The following INTS1 variants were observed in gnomAD, a reference collection of about 807,000 sequenced individuals.
The protein encoded by INTS1 is integrator complex subunit 1.
Under a neutral mutation model 241.6 loss-of-function variants are expected in INTS1, and 137 were observed. The ratio of observed to expected loss-of-function variants is 0.57; its 90% CI spans 0.49 to 0.65. The LOEUF (loss-of-function observed/expected upper bound fraction) is 0.65, where lower values mean the gene tolerates loss of function less well. Among genes scored for constraint, INTS1 ranks in the 30% least tolerant of loss-of-function variants. The pLI, the probability that INTS1 is intolerant of heterozygous loss-of-function variation, is 0.00. For synonymous variants in INTS1, 1,692 were observed against 1,337.8 expected (o/e 1.26, Z -5.78); for missense variants, 3,073 against 3,032.2 (o/e 1.01, Z -0.32).
intron 41 of INTS1, 94 bp downstream of exon 41, chr7:1,474,074 G>A (rs969272190): frequency 2.0e-5 from 27 of 1,366,908 alleles, no homozygotes; most frequent in Admixed American, 8.2e-5. Context: ...GGCTGCAGAG[G>A]TCCTCCCAGT....
At chr7:1,490,838 G>A (rs973905896) in intron 16 of INTS1, among the ~76,000 whole-genome samples, 1 of 152,252 alleles carries the variant, frequency 6.6e-6, no homozygotes, top group Admixed American at 6.5e-5. Flanking sequence ...ATAGAGGATG[G>A]ACACATAGAC....
intron 30 of INTS1, among the ~76,000 whole-genome samples, 197 bp downstream of exon 30, chr7:1,480,116 CATCT>C (rs1344333207): frequency 2.0e-5 from 3 of 152,272 alleles, no homozygotes; most frequent in African/African-American, 4.8e-5. Context: ...GCCTAGCCTC[CATCT>C]GAGAGCATGG....
In INTS1 at chr7:1,473,119, G is replaced by T; in HGVS notation, c.6023C>A (p.Pro2008His). The T allele has an allele frequency of 1.2e-6, 2 of 1,612,098 alleles. No homozygotes were observed. Among genetic ancestry groups the T allele is most frequent in the Non-Finnish European group, 1.7e-6 (2 of 1,179,390 alleles). Residue 2008 changes from proline to histidine, a missense_variant, in exon 43 of 48, where the codon CCC becomes CAC. Coordinates refer to ENST00000404767, the MANE Select transcript of INTS1 (RefSeq NM_001080453.3). ...LKSLLAGLSL[P>H]SRDDRTDRGL... ...TCGGTCGGTCCTGTCGTCCCTGCTG[G>T]GCAGGCTGAGCCCTGCAAGGAGGGA...
Position 1,489,592 on chromosome 7 carries a change from G to C in INTS1, c.2256C>G (p.Ile752Met). Residue 752 changes from isoleucine (I) to methionine (M), a missense_variant and splice_region_variant, in exon 17 of 48, where the codon ATC becomes ATG. Coordinates refer to ENST00000404767, the MANE Select transcript of INTS1 (RefSeq NM_001080453.3). ...LVVAAFNPEN[I>M]GLAAWEEYPT... ...ATGGGGCGGCCAGCAGAGGCTCACC[G>C]ATGTTCTCTGGGTTGAATGCGGCGA... The C allele has an allele frequency of 1.9e-6, 3 of 1,579,982 alleles. No homozygotes were observed. Among genetic ancestry groups the C allele is most frequent in the South Asian group, 1.2e-5 (1 of 86,314 alleles).
In INTS1 at chr7:1,474,183, G is replaced by A; in HGVS notation, c.5814C>T (p.Phe1938=). The A allele has an allele frequency of 1.3e-6, 2 of 1,573,148 alleles. No homozygotes were observed. The highest frequency in any genetic ancestry group is 1.7e-6 in the Non-Finnish European group (2 of 1,161,736). ...GAGCACACACCAGCAGCAGGCGGAT[G>A]AAGGACAGAAGGCAGTCCCACAGCG... The part of the protein sequence containing the change: ...QGALWDCLLS[F]IRLLLNYRKS... Residue 1938 remains phenylalanine, a synonymous_variant, in exon 41 of 48, where the codon TTC becomes TTT. Coordinates refer to ENST00000404767, the MANE Select transcript of INTS1 (RefSeq NM_001080453.3).
chr7:1,495,619 G>C, intron 12 of INTS1, 66 bp from the exon 13 acceptor site: 1 of 1,552,086 alleles, frequency 6.4e-7, no homozygotes. Context: ...AGGCACCCCT[G>C]GGGGTCCAAC....
intron 23 of INTS1, 29 bp from the exon 24 acceptor site, chr7:1,485,231 C>T: frequency 6.3e-7 from 1 of 1,598,120 alleles, no homozygotes; most frequent in Non-Finnish European, 8.5e-7. Context: ...TGAGCGGCAA[C>T]AGGGCAGGGC....
At position 1,483,826 on chromosome 7, in the gene INTS1, G is replaced by A. The variant is rs1210729699; in HGVS notation, c.3457C>T (p.Arg1153Cys). 4 of 1,612,230 alleles carry A rather than the reference G, an allele frequency of 2.5e-6. No homozygotes were observed. The highest frequency in any genetic ancestry group is 3.4e-6 in the Non-Finnish European group (4 of 1,179,324). Residue 1153 changes from arginine (R) to cysteine (C), a missense_variant, in exon 26 of 48, where the codon CGC (arginine) becomes TGC (cysteine). Physicochemically the swap from Arg to Cys is radical, Grantham distance 180. Transcript: ENST00000404767. Reference protein sequence around the residue: ...WSESQDQVFLRWSSGETATMH... With the variant: ...WSESQDQVFLCWSSGETATMH... ...GTGGCTGTCTCCCCGCTGCTCCAGC[G>A]TAGGAAGACCTGGTCCTGAGACTCC...
rs778930510 is a variant in INTS1 at position 1,473,638 on chromosome 7, A to C, written c.5885T>G (p.Phe1962Cys). Residue 1962 changes from phenylalanine (F) to cysteine (C), a missense_variant, in exon 42 of 48, where the codon TTC becomes TGC. Transcript: ENST00000404767. ...ATTGTAGGTAATGTACTTATGGATG[A>C]ACTGCACAAACTTGTTGATGAAGGC... Reference protein sequence around the residue: ...LAAFINKFVQFIHKYITYNAP... With the variant: ...LAAFINKFVQCIHKYITYNAP... 1.7e-5 allele frequency: 28 copies of C among 1,613,306 alleles called. No individual in the cohort carries two copies. Among genetic ancestry groups the C allele is most frequent in the Middle Eastern group, 1.6e-4 (1 of 6,082 alleles).
chr7:1,481,374 G>A lies in INTS1; in HGVS notation c.3818C>T (p.Pro1273Leu). The change falls in exon 28 of 48, where the codon CCC (proline) becomes CTC (leucine). Residue 1273 changes from proline to leucine, a missense_variant. Pro to Leu is a moderately conservative substitution (Grantham distance 98, BLOSUM62 -3). Transcript: ENST00000404767. The surrounding 1 kb of genome is among the most constrained non-coding windows in gnomAD (Gnocchi z 6.8). ...QFLDQAVAHD[P>L]QTLEQNIMDK... ...CATGATGTTCTGCTCCAGAGTCTGG[G>A]GGTCGTGGGCCACTGCCTGGTCCAG... 1.2e-6 allele frequency: 2 copies of A among 1,613,028 alleles called. No individual in the cohort carries two copies. Among genetic ancestry groups the A allele is most frequent in the Non-Finnish European group, 1.7e-6 (2 of 1,179,768 alleles).
In INTS1 at chr7:1,472,253, T is replaced by C; in HGVS notation, c.6184+20A>G. 6.5e-7 allele frequency: 1 copy of C among 1,530,950 alleles called. No individual in the cohort carries two copies. 94.8% of individuals were successfully genotyped at this position (1,530,950 alleles called of 1,614,324 possible). A position where few individuals can be genotyped will look rare whatever the true frequency, so the allele number is the denominator to read the frequency against. On this transcript the variant is annotated intron_variant, in intron 44 of 47. Coordinates refer to ENST00000404767, the MANE Select transcript of INTS1 (RefSeq NM_001080453.3). ...ACCCAGGGCGCTGACCTGGCGTGGGTGAAGCAGGGCCTGACTCACCCTCCA... is the reference window on the plus strand; with the variant it reads ...ACCCAGGGCGCTGACCTGGCGTGGGCGAAGCAGGGCCTGACTCACCCTCCA...
chr7:1,501,274 G>C (rs1008651505), intron 3 of INTS1: 1 of 129,560 alleles, frequency 7.7e-6, no homozygotes, highest in African/African-American at 3.4e-5. Flanking sequence ...AACACAGCGA[G>C]ACTCTGTCTC....
chr7:1,493,922 G>A lies in INTS1; in HGVS notation c.1911-11C>T, dbSNP rs1488154429. The A allele has an allele frequency of 6.4e-7, 1 of 1,552,796 alleles. No homozygotes were observed. Among genetic ancestry groups the A allele is most frequent in the Non-Finnish European group, 8.7e-7 (1 of 1,147,798 alleles). The stretch of plus-strand genomic sequence containing the variant: ...AGACGCAGGAAGAAGCTGCGGGGTG[G>A]GGGAGGCATGACTCGGTGTGGGCTG... On this transcript the variant is annotated splice_polypyrimidine_tract_variant and intron_variant, in intron 14 of 47. Transcript: ENST00000404767. The surrounding 1 kb of genome is among the most constrained non-coding windows in gnomAD (Gnocchi z 5.3).
chr7:1,484,093 C>T lies in INTS1; in HGVS notation c.3339G>A (p.Ser1113=), dbSNP rs73275956. ...LFSKLSPSAA[S]DAVLSALLSI... ...ACAACAGAGCGCTCAGCACGGCGTC[C>T]GACGCGGCACTCGGGGAGAGCTTCG... The change falls in exon 25 of 48, where the codon TCG becomes TCA. Residue 1113 remains serine (S), a synonymous_variant. Coordinates refer to ENST00000404767, the MANE Select transcript of INTS1 (RefSeq NM_001080453.3). 3.3e-5 allele frequency: 54 copies of T among 1,612,472 alleles called. No individual in the cohort carries two copies. The highest frequency in any genetic ancestry group is 2.4e-4 in the South Asian group (22 of 91,084).
At position 1,487,882 on chromosome 7, in the gene INTS1, G is replaced by T. The variant is rs773853138; in HGVS notation, c.2394C>A (p.Thr798=). The T allele has an allele frequency of 6.2e-7, 1 of 1,613,586 alleles. No individual in the cohort carries two copies. Among genetic ancestry groups the T allele is most frequent in the Non-Finnish European group, 8.5e-7 (1 of 1,179,854 alleles). The part of the protein sequence containing the change: ...RTEMLNRELQ[T]AQREKQEILA... The stretch of plus-strand genomic sequence containing the variant: ...GGATCTCCTGCTTCTCCCGCTGGGC[G>T]GTCTGCAGCTCACGGTTCAGCATCT... The change falls in exon 19 of 48, where the codon ACC becomes ACA. Residue 798 remains threonine, a synonymous_variant. Transcript: ENST00000404767.
intron 35 of INTS1, 66 bp downstream of exon 35, chr7:1,477,484 C>T (rs1244848362): frequency 3.1e-5 from 45 of 1,446,328 alleles, no homozygotes; most frequent in Non-Finnish European, 4.1e-5. Context: ...AAGGCTGCTG[C>T]ACTTCAGGTC....
Position 1,493,113 on chromosome 7 carries a change from C to T in INTS1, c.2069-7G>A, listed in dbSNP as rs780289238. The T allele has an allele frequency of 6.2e-7, 1 of 1,611,020 alleles. No homozygotes were observed. Among genetic ancestry groups the T allele is most frequent in the Non-Finnish European group, 8.5e-7 (1 of 1,177,372 alleles). ...ACCTTCAGCACCTCCACATCTAAGA[C>T]CAAGAGCCACACATGGGTTCTGGGG... On this transcript the variant is annotated splice_region_variant and splice_polypyrimidine_tract_variant and intron_variant, in intron 15 of 47. Coordinates refer to ENST00000404767, the MANE Select transcript of INTS1 (RefSeq NM_001080453.3). This position sits in a 1 kb window ranked among gnomAD's most constrained non-coding sequence, Gnocchi z 5.3.
Position 1,499,094 on chromosome 7 carries a change from G to A in INTS1, c.1018C>T (p.Arg340Cys). 1 of 1,610,362 alleles carries A rather than the reference G, an allele frequency of 6.2e-7. No homozygotes were observed. The change falls in exon 8 of 48, where the codon CGC (arginine) becomes TGC (cysteine). Residue 340 changes from arginine (R) to cysteine (C), a missense_variant. Transcript: ENST00000404767. ...CTGGAGACGTTGTCGATGGGCTGGC[G>A]CCGGTTCAGCTGGTCCCGCAGCATG... The part of the protein sequence containing the change: ...LDMLRDQLNR[R>C]QPIDNVSRNL...
chr7:1,499,867 C>A lies in INTS1; in HGVS notation c.684+17G>T. ...TGGCGCTCTGCCATCTTCACCGTCC[C>A]GGGAGAGGACGCTCACCTTGACAAA... On this transcript the variant is annotated intron_variant, in intron 5 of 47. Coordinates refer to ENST00000404767, the MANE Select transcript of INTS1 (RefSeq NM_001080453.3). 6.2e-7 allele frequency: 1 copy of A among 1,608,344 alleles called. No individual in the cohort carries two copies. The highest frequency in any genetic ancestry group is 2.2e-5 in the East Asian group (1 of 44,708).
Sources: allele counts gnomAD v4.1 joint callset (sites outside exome capture counted in the v4.1 genomes callset), GRCh38; gene constraint gnomAD v4.1.1; non-coding constraint Gnocchi (gnomAD v3.1); transcripts MANE v1.5; gene names NCBI Gene and HGNC (gene_info 2026-07-23, HGNC 2026-07-21).